BBIP1: variants seen among roughly 807,000 people sequenced by gnomAD.
BBIP1 encodes BBSome interacting protein 1.
Under a neutral mutation model 8.9 loss-of-function variants are expected in BBIP1, and 6 were observed. That is an observed-to-expected ratio of 0.67 (90% CI 0.37 to 1.33). The LOEUF is 1.33. BBIP1 is among the 40% of genes most tolerant of loss of function. The pLI is 0.02. For synonymous variants in BBIP1, 32 were observed against 33.4 expected, an observed-to-expected ratio of 0.96 and a Z score of 0.14; for missense variants, 111 against 109.2, an observed-to-expected ratio of 1.02 and a Z score of -0.07.
At chr10:110,918,086 T>A in intron 2 of BBIP1, 35 bp downstream of exon 2, 9 of 1,527,606 alleles carry the variant, frequency 5.9e-6, no homozygotes, top group Non-Finnish European at 7.9e-6. Context: ...ATCTGTATTG[T>A]TGACTGGCTG....
intron 2 of BBIP1, among the ~76,000 whole-genome samples, chr10:110,910,058 G>A (rs1186508443): frequency 6.6e-6 from 1 of 152,154 alleles, no homozygotes; most frequent in Non-Finnish European, 1.5e-5. Context: ...CATGCCTACT[G>A]TGCCTTAAGA....
At chr10:110,917,321 T>C (rs919992473) in intron 2 of BBIP1, among the ~76,000 whole-genome samples, 6 of 150,926 alleles carry the variant, frequency 4.0e-5, no homozygotes, top group Non-Finnish European at 8.8e-5. Flanking sequence ...GAAATAATGA[T>C]ATTGTGTTTT....
rs577373219 is a variant in BBIP1, at chr10:110,912,934, T to G, written c.37+5187A>C. 2.6e-5 allele frequency among the ~76,000 whole-genome samples: 4 copies of G among 152,326 alleles called. No individual in the cohort carries two copies. In the East Asian group the frequency reaches 7.7e-4, roughly 29 times the overall value. On this transcript the variant is annotated intron_variant, in intron 2 of 3. Transcript: ENST00000448814. ...GTTTTAAAGTTAGAAATAGAATCCT[T>G]GAGCATATCCTAGGATTCCGTGTGT...
intron 2 of BBIP1, among the ~76,000 whole-genome samples, chr10:110,909,385 G>C (rs1846219267): frequency 6.6e-6 from 1 of 152,008 alleles, no homozygotes; most frequent in Admixed American, 6.6e-5. Flanking sequence ...TAGTAGAGAT[G>C]GGGTTTCATC....
chr10:110,907,063 T>G (rs1335956067), intron 2 of BBIP1: 1 of 152,266 alleles, frequency 6.6e-6, no homozygotes, highest in Non-Finnish European at 1.5e-5. Flanking sequence ...GAAGCACTAC[T>G]TACTTAATAA....
At chr10:110,903,648 A>T (rs936050422) in intron 2 of BBIP1, 2 of 152,202 alleles carry the variant, frequency 1.3e-5, no homozygotes, top group Non-Finnish European at 2.9e-5. Context: ...TAATGATGGG[A>T]TATGTTCTGA....
At position 110,915,456 on chromosome 10, in the gene BBIP1, T is replaced by C. The variant is rs138056775; in HGVS notation, c.37+2665A>G. ...GGCATGAGCCACAGCAGCCGGACCC[T>C]AACTTTTAATTAAGTCCCCCACATT... is the stretch of plus-strand genomic sequence containing the variant. On this transcript the variant is annotated intron_variant, in intron 2 of 3. Transcript: ENST00000448814. Among the ~76,000 whole-genome samples the C allele has an allele frequency of 4.8e-3, 734 of 152,272 alleles. 3 individuals are homozygous for C. The highest frequency in any genetic ancestry group is 7.6e-3 in the Admixed American group (117 of 15,304).
chr10:110,905,674 AATGTATT>A (rs1401202512), intron 2 of BBIP1, among the ~76,000 whole-genome samples: 2 of 152,072 alleles, frequency 1.3e-5, no homozygotes, highest in Non-Finnish European at 2.9e-5. Context: ...GAACTTGGAG[AATGTATT>A]ATTAGTGGTC....
Position 110,900,191 on chromosome 10 carries a change from G to A in BBIP1, c.*169C>T. ...GTTTATGTTCAATACAAACCAGAGT[G>A]TTTACATTCACAATACAAATTTCAT... On this transcript the variant is annotated 3_prime_UTR_variant, in exon 4 of 4. Coordinates refer to ENST00000448814, the MANE Select transcript of BBIP1 (RefSeq NM_001195305.3). 7.3e-6 allele frequency: 5 copies of A among 686,060 alleles called. No individual in the cohort carries two copies. The South Asian group carries it at 1.2e-4, about 17-fold the overall frequency. 42.5% of individuals were successfully genotyped at this position (686,060 alleles called of 1,614,324 possible). A position where few individuals can be genotyped will look rare whatever the true frequency, so the allele number is the denominator to read the frequency against.
chr10:110,907,578 T>C, intron 2 of BBIP1: 3 of 481,504 alleles, frequency 6.2e-6, no homozygotes, highest in Non-Finnish European at 1.1e-5. Context: ...GGAAATGAGA[T>C]GAAGCATGAT....
chr10:110,918,861 G>A (rs550548501), intron 1 of BBIP1: 1 of 152,538 alleles, frequency 6.6e-6, no homozygotes, highest in African/African-American at 2.4e-5. Context: ...TTGCAACTAA[G>A]GTCAAAAATA....
intron 1 of BBIP1, 23 bp downstream of exon 1, chr10:110,919,098 G>A (rs1043241718): frequency 6.5e-6 from 1 of 153,010 alleles, no homozygotes; most frequent in African/African-American, 2.4e-5. Context: ...GGTCACCCAC[G>A]GTACCTCTTT....
At chr10:110,918,576 T>G (rs1031086364) in intron 1 of BBIP1, among the ~76,000 whole-genome samples, 2 of 152,262 alleles carry the variant, frequency 1.3e-5, no homozygotes, top group Non-Finnish European at 2.9e-5. Flanking sequence ...AGCTCCGTTT[T>G]GCCGGAGTTA....
At chr10:110,916,506 C>G (rs755190100) in intron 2 of BBIP1, among the ~76,000 whole-genome samples, 3 of 152,042 alleles carry the variant, frequency 2.0e-5, no homozygotes, top group Non-Finnish European at 4.4e-5. Flanking sequence ...TTAATGCTAC[C>G]AAAAAGCTAT....
At chr10:110,913,333 T>C (rs1846322147) in intron 2 of BBIP1, among the ~76,000 whole-genome samples, 1 of 152,266 alleles carries the variant, frequency 6.6e-6, no homozygotes, top group Admixed American at 6.5e-5. Flanking sequence ...CTAATTTTCA[T>C]ATTGCTATAA....
intron 1 of BBIP1, among the ~76,000 whole-genome samples, chr10:110,918,656 T>G (rs1283700212): frequency 6.6e-6 from 1 of 152,188 alleles, no homozygotes; most frequent in Non-Finnish European, 1.5e-5. Context: ...TCTGGCTGGG[T>G]TAGGGCGGCC....
chr10:110,910,375 C>G (rs1447563759), intron 2 of BBIP1, among the ~76,000 whole-genome samples: 1 of 152,194 alleles, frequency 6.6e-6, no homozygotes, highest in African/African-American at 2.4e-5. Context: ...CACACTCAGT[C>G]TGCAACGCTG....
chr10:110,907,091 C>G (rs1464000160), intron 2 of BBIP1: 1 of 152,248 alleles, frequency 6.6e-6, no homozygotes, highest in Non-Finnish European at 1.5e-5. Flanking sequence ...AGCCCTTAGT[C>G]TTTCTTGAGT....
At chr10:110,907,613 CAG>C (rs1846177256) in intron 2 of BBIP1, 2 of 523,286 alleles carry the variant, frequency 3.8e-6, no homozygotes, top group Non-Finnish European at 6.8e-6. Flanking sequence ...TCCATTTTCT[CAG>C]GGAATGCATT....
Sources: gnomAD v4.1 joint callset for allele counts (sites outside exome capture counted in the v4.1 genomes callset) on GRCh38, gnomAD v4.1.1 for gene constraint, MANE v1.5 for transcripts, NCBI Gene and HGNC (gene_info 2026-07-23, HGNC 2026-07-21) for gene names.